The following PCBP3 variants were observed in gnomAD, a reference collection of about 807,000 sequenced individuals.
The protein encoded by PCBP3 is poly(rC)-binding protein 3.
PCBP3 carries 25 observed loss-of-function variants against 52.7 expected under a neutral mutation model. The ratio of observed to expected loss-of-function variants is 0.47; its 90% confidence interval spans 0.35 to 0.66. The LOEUF is 0.66. Ranked by LOEUF, PCBP3 falls within the 30% of genes least tolerant of loss-of-function variation. The probability of loss-of-function intolerance (pLI) is 0.01; values close to 1 mark genes in which losing one functional copy is unlikely to be tolerated. For missense variants in PCBP3, 391 were observed against 490.3 expected (o/e 0.80, Z 1.91); for synonymous variants, 162 against 183.0 (o/e 0.89, Z 0.93).
intron 15 of PCBP3, 78 bp from the exon 16 acceptor site, chr21:45,935,175 G>A: frequency 1.0e-6 from 1 of 985,870 alleles, no homozygotes; most frequent in Non-Finnish European, 1.6e-6. Context: ...CTTGACCCAG[G>A]AGAGTGAGGG....
chr21:45,807,717 G>C (rs2092551734), intron 4 of PCBP3, among the ~76,000 whole-genome samples: 1 of 151,488 alleles, frequency 6.6e-6, no homozygotes, highest in Non-Finnish European at 1.5e-5. Context: ...AAAAGAGCCT[G>C]TATAGCTAAG....
chr21:45,664,878 T>C (rs984182953), intron 1 of PCBP3, among the ~76,000 whole-genome samples: 1 of 151,690 alleles, frequency 6.6e-6, no homozygotes, highest in Non-Finnish European at 1.5e-5. Context: ...TTTGGTTTTT[T>C]GTTCTTGCGA....
intron 4 of PCBP3, among the ~76,000 whole-genome samples, chr21:45,818,894 A>G (rs1172043036): frequency 6.6e-6 from 1 of 152,258 alleles, no homozygotes; most frequent in East Asian, 1.9e-4. Flanking sequence ...TTACTTAGTG[A>G]AAGAGGCCAG....
At chr21:45,820,929 C>T (rs969812223) in intron 4 of PCBP3, among the ~76,000 whole-genome samples, 9 of 152,110 alleles carry the variant, frequency 5.9e-5, no homozygotes, top group African/African-American at 1.7e-4. Context: ...CTCGAGAGGA[C>T]AGAGCCTCAG....
At chr21:45,875,262 G>C (rs1356064066) in intron 5 of PCBP3, among the ~76,000 whole-genome samples, 2 of 151,864 alleles carry the variant, frequency 1.3e-5, no homozygotes, top group African/African-American at 4.9e-5. Context: ...CGCTCCGGCT[G>C]ACTCACTGGG....
At chr21:45,772,729 TA>T (rs1409787032) in intron 4 of PCBP3, among the ~76,000 whole-genome samples, 1 of 152,198 alleles carries the variant, frequency 6.6e-6, no homozygotes, top group Non-Finnish European at 1.5e-5. Context: ...CAACACCTGT[TA>T]TTTTTTTATT....
intron 4 of PCBP3, among the ~76,000 whole-genome samples, chr21:45,781,313 A>G (rs575846827): frequency 5.6e-4 from 85 of 152,370 alleles, no homozygotes; most frequent in African/African-American, 1.9e-3. Flanking sequence ...AACTCTTAAA[A>G]TGCAGTACTA....
At chr21:45,703,732 T>TG (rs2083274612) in intron 2 of PCBP3, among the ~76,000 whole-genome samples, 1 of 152,142 alleles carries the variant, frequency 6.6e-6, no homozygotes, top group African/African-American at 2.4e-5. Context: ...GTGGTGGCTG[T>TG]GACCAGGGTG....
intron 9 of PCBP3, among the ~76,000 whole-genome samples, chr21:45,906,622 C>T (rs756679001): frequency 1.3e-4 from 19 of 151,826 alleles, no homozygotes; most frequent in Non-Finnish European, 2.5e-4. Flanking sequence ...TCAGGTGCAG[C>T]GTCAAGACCC....
At position 45,674,578 on chromosome 21, in the gene PCBP3, T is replaced by C. The variant is rs147929658; in HGVS notation, c.-200+5626T>C. On this transcript the variant is annotated intron_variant, in intron 2 of 17. Coordinates refer to ENST00000681687, the MANE Select transcript of PCBP3 (RefSeq NM_001384156.1). Reference sequence around the variant, plus strand: ...ATACTTCATTAATTATCTAATTAATTAAACAAATAATAATGAAGTAGGTTA... The same window carrying C: ...ATACTTCATTAATTATCTAATTAATCAAACAAATAATAATGAAGTAGGTTA... Among the ~76,000 whole-genome samples, 772 of 152,336 alleles carry C rather than the reference T, an allele frequency of 5.1e-3. 6 individuals carry two copies. In the Middle Eastern group the frequency reaches 0.054, roughly 11 times the overall value.
At chr21:45,874,046 G>A (rs965429546) in intron 5 of PCBP3, among the ~76,000 whole-genome samples, 3 of 151,672 alleles carry the variant, frequency 2.0e-5, no homozygotes, top group Non-Finnish European at 2.9e-5. Flanking sequence ...CACCACGCCC[G>A]GCCCAGGCTG....
chr21:45,783,261 C>T (rs889914990), intron 4 of PCBP3, among the ~76,000 whole-genome samples: 3 of 152,182 alleles, frequency 2.0e-5, no homozygotes, highest in Non-Finnish European at 2.9e-5. Flanking sequence ...TTTGGAGCTC[C>T]TCTTTCATGA....
intron 4 of PCBP3, among the ~76,000 whole-genome samples, chr21:45,782,808 A>C (rs1703000124): frequency 6.6e-6 from 1 of 152,262 alleles, no homozygotes. Flanking sequence ...ACCAGATTTT[A>C]AAATGGTCCA....
chr21:45,896,456 C>A, intron 6 of PCBP3, 94 bp downstream of exon 6: 1 of 1,190,230 alleles, frequency 8.4e-7, no homozygotes, highest in Non-Finnish European at 1.2e-6. Context: ...GTAGGAAAGG[C>A]AGACATGGCA....
intron 4 of PCBP3, among the ~76,000 whole-genome samples, chr21:45,807,507 A>G (rs1209057966): frequency 6.6e-6 from 1 of 152,242 alleles, no homozygotes; most frequent in Admixed American, 6.5e-5. Flanking sequence ...AAGGAGAACT[A>G]CAAACCACTG....
chr21:45,716,228 A>G (rs879437119), intron 2 of PCBP3, among the ~76,000 whole-genome samples: 5 of 152,150 alleles, frequency 3.3e-5, no homozygotes, highest in Non-Finnish European at 7.4e-5. Flanking sequence ...ATTAAAATGA[A>G]TAGTGTTTCT....
At chr21:45,804,086 C>T (rs2092407588) in intron 4 of PCBP3, among the ~76,000 whole-genome samples, 1 of 152,166 alleles carries the variant, frequency 6.6e-6, no homozygotes, top group Non-Finnish European at 1.5e-5. Flanking sequence ...GAACAGGAGG[C>T]CCAGCCCACA....
chr21:45,915,887 C>G (rs1469204135), intron 12 of PCBP3: 2 of 152,270 alleles, frequency 1.3e-5, no homozygotes, highest in African/African-American at 4.8e-5. Flanking sequence ...CGACTCAGAC[C>G]CACAGTGCCT....
intron 1 of PCBP3, among the ~76,000 whole-genome samples, chr21:45,649,023 G>A (rs1016340041): frequency 1.3e-5 from 2 of 152,172 alleles, no homozygotes; most frequent in Admixed American, 6.5e-5. Context: ...TTACTACAAG[G>A]TAATTGTTTT....
Sources: gnomAD v4.1 joint callset for allele counts (sites outside exome capture counted in the v4.1 genomes callset) on GRCh38, gnomAD v4.1.1 for gene constraint, MANE v1.5 for transcripts, NCBI Gene and HGNC (gene_info 2026-07-23, HGNC 2026-07-21) for gene names.